The following GMIP variants were observed in gnomAD, a reference collection of about 807,000 sequenced individuals.
GMIP encodes the protein GEM interacting protein, also known as GEM-interacting protein.
GMIP carries 54 observed loss-of-function variants against 105.3 expected under a neutral mutation model. That is an observed-to-expected ratio of 0.51 (90% CI 0.41 to 0.64). GMIP has a LOEUF of 0.64. GMIP is among the 30% of genes least tolerant of loss of function. The pLI is 0.00. For synonymous variants in GMIP, 541 were observed against 560.8 expected, an observed-to-expected ratio of 0.96 and a Z score of 0.50; for missense variants, 1,110 against 1,319.4, an observed-to-expected ratio of 0.84 and a Z score of 2.46.
chr19:19,638,372 C>T (rs763888273), intron 8 of GMIP, 30 bp downstream of exon 8: 28 of 1,614,016 alleles, frequency 1.7e-5, no homozygotes, highest in East Asian at 4.5e-5. Context: ...CTCTCTCTCA[C>T]CCTACCCTTC....
chr19:19,634,795 C>T lies in GMIP; in HGVS notation c.1884G>A (p.Gln628=). The change falls in exon 17 of 21, where the codon CAG becomes CAA. Residue 628 remains glutamine, a synonymous_variant. Transcript: ENST00000203556. The surrounding 1 kb of genome is among the most constrained non-coding windows in gnomAD (Gnocchi z 6.1). The part of the protein sequence containing the change: ...DVSSVLKRFL[Q]ELTEPVIPFH... Reference sequence around the variant, plus strand: ...CCTCAGTGTCCTGAGCACCAACCTCCTGAAGAAATCGCTTGAGGACACTCG... The same window carrying T: ...CCTCAGTGTCCTGAGCACCAACCTCTTGAAGAAATCGCTTGAGGACACTCG... 1 of 1,613,840 alleles carries T rather than the reference C, an allele frequency of 6.2e-7. No individual in the cohort carries two copies. Among genetic ancestry groups the T allele is most frequent in the Non-Finnish European group, 8.5e-7 (1 of 1,180,024 alleles).
Position 19,635,594 on chromosome 19 carries a change from G to A in GMIP, c.1406-25C>T. 1 of 1,613,596 alleles carries A rather than the reference G, an allele frequency of 6.2e-7. No homozygotes were observed. Among genetic ancestry groups the A allele is most frequent in the South Asian group, 1.1e-5 (1 of 91,086 alleles). ...TCTGCAGGGAGACAGGGTCAGGAGT[G>A]CCTGGTGCCCTGCCCTGTCCCATCC... On this transcript the variant is annotated intron_variant, in intron 14 of 20. Coordinates refer to ENST00000203556, the MANE Select transcript of GMIP (RefSeq NM_016573.4). The surrounding 1 kb of genome is among the most constrained non-coding windows in gnomAD (Gnocchi z 4.7).
rs367883715 is a variant in GMIP, at chr19:19,634,671, G to A, written c.1920C>T (p.Tyr640=). 35 of 1,611,920 alleles carry A rather than the reference G, an allele frequency of 2.2e-5. No individual in the cohort carries two copies. The Middle Eastern group carries it at 9.9e-4, about 46-fold the overall frequency. ...LTEPVIPFHL[Y]DAFISLAKTL... ...TCTTAGCCAGAGAGATGAAGGCGTCGTAGAGGTGGAAGGGGATCACGGGCT... is the reference window on the plus strand; with the variant it reads ...TCTTAGCCAGAGAGATGAAGGCGTCATAGAGGTGGAAGGGGATCACGGGCT... The change falls in exon 18 of 21, where the codon TAC becomes TAT. Residue 640 remains tyrosine (Y), a synonymous_variant. Coordinates refer to ENST00000203556, the MANE Select transcript of GMIP (RefSeq NM_016573.4). The surrounding 1 kb of genome is among the most constrained non-coding windows in gnomAD (Gnocchi z 6.1).
Position 19,630,387 on chromosome 19 carries a change from A to T in GMIP, c.2540-51T>A, listed in dbSNP as rs2061782602. 1 of 1,571,934 alleles carries T rather than the reference A, an allele frequency of 6.4e-7. No homozygotes were observed. The highest frequency in any genetic ancestry group is 1.9e-5 in the Admixed American group (1 of 53,254). The stretch of plus-strand genomic sequence containing the variant: ...CAGAGCACCTCCAAGTTCTCTGTAT[A>T]TCCCCCCAGGAGTCATCTTTTAGCA... On this transcript the variant is annotated intron_variant, in intron 20 of 20. Transcript: ENST00000203556. The surrounding 1 kb of genome is among the most constrained non-coding windows in gnomAD (Gnocchi z 4.8).
chr19:19,630,128 T>G lies in GMIP; in HGVS notation c.2748A>C (p.Ala916=), dbSNP rs571846133. Residue 916 remains alanine (A), a synonymous_variant, in exon 21 of 21, where the codon GCA becomes GCC. Coordinates refer to ENST00000203556, the MANE Select transcript of GMIP (RefSeq NM_016573.4). The surrounding 1 kb of genome is among the most constrained non-coding windows in gnomAD (Gnocchi z 4.8). ...GGGGGCTGCCCTCAGGGGAGGCAGC[T>G]GCAGGGCTGGGCCCCCGCCCCCGCA... ...GSLRGRGPSP[A]AASPEGSPLR... is the part of the protein sequence containing the mutation. The G allele has an allele frequency of 1.7e-5, 27 of 1,606,660 alleles. No individual in the cohort carries two copies. In the African/African-American group the frequency reaches 2.9e-4, roughly 17 times the overall value.
chr19:19,635,641 C>T lies in GMIP; in HGVS notation c.1405+3G>A, dbSNP rs1249419922. 6.2e-7 allele frequency: 1 copy of T among 1,613,734 alleles called. No individual in the cohort carries two copies. The highest frequency in any genetic ancestry group is 8.5e-7 in the Non-Finnish European group (1 of 1,179,590). ...ATCCTGACCTACCCTGCTTCAGCCTCACCAGGGTCTCGCTCCTCAAAGTCA... is the reference window on the plus strand; with the variant it reads ...ATCCTGACCTACCCTGCTTCAGCCTTACCAGGGTCTCGCTCCTCAAAGTCA... On this transcript the variant is annotated splice_donor_region_variant and intron_variant, in intron 14 of 20. Coordinates refer to ENST00000203556, the MANE Select transcript of GMIP (RefSeq NM_016573.4). This position sits in a 1 kb window ranked among gnomAD's most constrained non-coding sequence, Gnocchi z 4.7.
rs761924954 is a variant in GMIP, at chr19:19,635,754, G to T, written c.1328-33C>A. The T allele has an allele frequency of 4.5e-6, 7 of 1,571,288 alleles. No individual in the cohort carries two copies. In the Admixed American group the frequency reaches 1.0e-4, roughly 22 times the overall value. ...CAGAGGAATCATGGGAGATTCCTGG[G>T]CTATGGGAGGCACTCCTGGTTTTTA... On this transcript the variant is annotated intron_variant, in intron 13 of 20. Coordinates refer to ENST00000203556, the MANE Select transcript of GMIP (RefSeq NM_016573.4). This position sits in a 1 kb window ranked among gnomAD's most constrained non-coding sequence, Gnocchi z 4.7.
chr19:19,633,688 G>T, intron 19 of GMIP, 115 bp downstream of exon 19: 1 of 718,446 alleles, frequency 1.4e-6, no homozygotes, highest in Non-Finnish European at 2.1e-6. Context: ...GTTAAATGAG[G>T]AAGGGAGGAA....
At chr19:19,636,839 C>G (rs774289013) in intron 12 of GMIP, 43 bp from the exon 13 acceptor site, 3 of 1,574,066 alleles carry the variant, frequency 1.9e-6, no homozygotes, top group Admixed American at 1.7e-5. Flanking sequence ...TGCTCACAAA[C>G]CCCACTCCTG....
In GMIP at chr19:19,630,928, T is replaced by TGGTG; in HGVS notation, c.2473-395_2473-392dup. On this transcript the variant is annotated intron_variant, in intron 19 of 20. Coordinates refer to ENST00000203556, the MANE Select transcript of GMIP (RefSeq NM_016573.4). The surrounding 1 kb of genome is among the most constrained non-coding windows in gnomAD (Gnocchi z 4.8). The stretch of plus-strand genomic sequence containing the variant: ...TATAAGTGTACTGCTTGGCCAGGCA[T>TGGTG]GGTGGTGCATGCCTGTAATCCCAGC... 6.6e-6 allele frequency among the ~76,000 whole-genome samples: 1 copy of TGGTG among 152,148 alleles called. No homozygotes were observed. The highest frequency in any genetic ancestry group is 1.5e-5 in the Non-Finnish European group (1 of 68,000).
At chr19:19,633,659 C>T (rs1178936692) in intron 19 of GMIP, 144 bp downstream of exon 19, 4 of 575,174 alleles carry the variant, frequency 7.0e-6, no homozygotes, top group African/African-American at 1.9e-5. Flanking sequence ...CCTCACTATT[C>T]CTTCCAGAAT....
chr19:19,631,785 A>G (rs1032156181), intron 19 of GMIP, among the ~76,000 whole-genome samples: 1 of 148,164 alleles, frequency 6.7e-6, no homozygotes, highest in Non-Finnish European at 1.5e-5. Flanking sequence ...CAGGAGATCG[A>G]GACCATCCTG....
chr19:19,635,220 G>T lies in GMIP; in HGVS notation c.1561-7C>A. 3.7e-6 allele frequency: 6 copies of T among 1,608,418 alleles called. No individual in the cohort carries two copies. Among genetic ancestry groups the T allele is most frequent in the Non-Finnish European group, 5.1e-6 (6 of 1,176,980 alleles). ...TGTGGCAGGTCAGAAAGCACTGTGG[G>T]GAAGGTCACAGGGACAGGGAGGTCA... is the stretch of plus-strand genomic sequence containing the variant. On this transcript the variant is annotated splice_polypyrimidine_tract_variant and splice_region_variant and intron_variant, in intron 15 of 20. Coordinates refer to ENST00000203556, the MANE Select transcript of GMIP (RefSeq NM_016573.4). This position sits in a 1 kb window ranked among gnomAD's most constrained non-coding sequence, Gnocchi z 4.7.
Position 19,640,513 on chromosome 19 carries a change from T to G in GMIP, c.297A>C (p.Glu99Asp), listed in dbSNP as rs757011920. The change falls in exon 5 of 21, where the codon GAA becomes GAC. Residue 99 changes from glutamate (E) to aspartate (D), a missense_variant. Glu to Asp is a conservative substitution (Grantham distance 45, BLOSUM62 2). Coordinates refer to ENST00000203556, the MANE Select transcript of GMIP (RefSeq NM_016573.4). ...RTKGGVDAAL[E>D]YAKTWSRYAK... ...CATAGCGGCTCCAGGTCTTGGCATA[T>G]TCCAGGGCTGCGTCCACACCCCCCT... The G allele has an allele frequency of 4.3e-6, 7 of 1,614,040 alleles. No homozygotes were observed. The highest frequency in any genetic ancestry group is 3.3e-5 in the Admixed American group (2 of 59,996).
chr19:19,642,742 T>TG (rs200958565), intron 1 of GMIP, 123 bp from the exon 2 acceptor site: 3,805 of 358,582 alleles, frequency 0.011, 57 homozygotes, highest in African/African-American at 0.049. Context: ...AAGAGAGGGC[T>TG]GGGGGGGGCT....
chr19:19,637,432 G>A lies in GMIP; in HGVS notation c.1057C>T (p.Arg353Trp). 3.3e-6 allele frequency: 5 copies of A among 1,496,752 alleles called. No individual in the cohort carries two copies. Among genetic ancestry groups the A allele is most frequent in the Non-Finnish European group, 4.4e-6 (5 of 1,129,286 alleles). The allele number at this position is 1,496,752 out of a possible 1,614,324, so 92.7% of individuals were successfully genotyped here. A position where few individuals can be genotyped will look rare whatever the true frequency, so the allele number is the denominator to read the frequency against. Residue 353 changes from arginine to tryptophan, a missense_variant, in exon 11 of 21, where the codon CGG (arginine) becomes TGG (tryptophan). Transcript: ENST00000203556. The surrounding 1 kb of genome is among the most constrained non-coding windows in gnomAD (Gnocchi z 6.7). Reference protein sequence around the residue: ...QRYQEFVRALRPEAPPPPPPA... With the variant: ...QRYQEFVRALWPEAPPPPPPA... ...GGCGGGGGCGGCGGGGCCTCGGGCC[G>A]CAGCGCCCGTACAAACTCCTGGTAG... is the stretch of plus-strand genomic sequence containing the variant.
rs201999683 is a variant in GMIP, at chr19:19,640,068, C to T, written c.537+17G>A. On this transcript the variant is annotated intron_variant, in intron 7 of 20. Transcript: ENST00000203556. ...TAGCAGGGTGACCTCTGTAACATTC[C>T]ACCCTGCCCCCCTCACCTGGTAGTA... The T allele has an allele frequency of 9.1e-4, 1,311 of 1,446,672 alleles. 1 individual carries two copies. The highest frequency in any genetic ancestry group is 1.9e-3 in the Middle Eastern group (11 of 5,712). The allele number at this position is 1,446,672 out of a possible 1,614,324, so 89.6% of individuals were successfully genotyped here.
chr19:19,630,242 C>G lies in GMIP; in HGVS notation c.2634G>C (p.Arg878Ser), dbSNP rs1484027117. Reference sequence around the variant, plus strand: ...GACTGGACAGCTGGTGGGTTACAGGCCTCACACCGCCCCGGGGATACTTCA... The same window carrying G: ...GACTGGACAGCTGGTGGGTTACAGGGCTCACACCGCCCCGGGGATACTTCA... Reference protein sequence around the residue: ...QPVKYPRGGVRPVTHQLSSLA... With the variant: ...QPVKYPRGGVSPVTHQLSSLA... The change falls in exon 21 of 21, where the codon AGG (arginine) becomes AGC (serine). Residue 878 changes from arginine to serine, a missense_variant. Physicochemically the swap from Arg to Ser is moderately radical, Grantham distance 110. Coordinates refer to ENST00000203556, the MANE Select transcript of GMIP (RefSeq NM_016573.4). The surrounding 1 kb of genome is among the most constrained non-coding windows in gnomAD (Gnocchi z 4.8). 10 of 1,581,302 alleles carry G rather than the reference C, an allele frequency of 6.3e-6. No individual in the cohort carries two copies. The highest frequency in any genetic ancestry group is 7.8e-6 in the Non-Finnish European group (9 of 1,160,542).
chr19:19,643,645 C>T lies in GMIP; in HGVS notation c.-116G>A, dbSNP rs901322034. The T allele has an allele frequency of 4.0e-4, 352 of 884,262 alleles. 2 individuals are homozygous for T. The African/African-American group carries it at 5.6e-3, about 14-fold the overall frequency. 54.8% of individuals were successfully genotyped at this position (884,262 alleles called of 1,614,324 possible). On this transcript the variant is annotated 5_prime_UTR_variant, in exon 1 of 21. Transcript: ENST00000203556. ...CGCCGCCGCCGCCTCGGTTCCGCGT[C>T]GCCCTGCCCAGCGGAGGCCACGCCC... is the stretch of plus-strand genomic sequence containing the variant.
Sources: gnomAD v4.1 joint callset for allele counts (sites outside exome capture counted in the v4.1 genomes callset) on GRCh38, gnomAD v4.1.1 for gene constraint, Gnocchi (gnomAD v3.1) non-coding constraint, MANE v1.5 for transcripts, NCBI Gene and HGNC (gene_info 2026-07-23, HGNC 2026-07-21) for gene names.